Variants in MBP observed in about 807,000 individuals in gnomAD.
MBP encodes the protein myelin basic protein, also known as Golli-MBP.
MBP carries 16 observed loss-of-function variants against 35.8 expected under a neutral mutation model. The observed-to-expected ratio is 0.45, with a 90% CI of 0.30 to 0.68. The LOEUF (loss-of-function observed/expected upper bound fraction) is 0.68. MBP is among the 30% of genes least tolerant of loss of function. MBP has a pLI of 0.08. For synonymous variants in MBP, 143 were observed against 159.6 expected, an observed-to-expected ratio of 0.90 and a Z score of 0.78; for missense variants, 380 against 404.7, an observed-to-expected ratio of 0.94 and a Z score of 0.52.
chr18:77,009,881 G>A (rs778909153), intron 4 of MBP: 8 of 1,594,812 alleles, frequency 5.0e-6, no homozygotes, highest in South Asian at 1.1e-5. Context: ...GGCTGGCTGC[G>A]GGCATGAGAG....
At chr18:77,014,390 T>A in intron 4 of MBP, 1 of 985,426 alleles carries the variant, frequency 1.0e-6, no homozygotes, top group Non-Finnish European at 1.2e-6. Context: ...GGCAGGAATC[T>A]GCCAGGAAAA....
chr18:77,056,225 C>A (rs1470334475), intron 3 of MBP, among the ~76,000 whole-genome samples: 4 of 152,216 alleles, frequency 2.6e-5, no homozygotes, highest in Non-Finnish European at 2.9e-5. Flanking sequence ...CTCACAGGAC[C>A]CATAGGGACC....
chr18:77,016,646 C>A, intron 4 of MBP, 186 bp downstream of exon 4: 1 of 1,419,364 alleles, frequency 7.0e-7, no homozygotes, highest in Non-Finnish European at 9.2e-7. Flanking sequence ...GTGAGTTAAA[C>A]GAAAACGTCC....
intron 4 of MBP, among the ~76,000 whole-genome samples, chr18:76,999,880 T>C (rs1247087655): frequency 1.3e-5 from 2 of 152,226 alleles, no homozygotes; most frequent in Non-Finnish European, 2.9e-5. Context: ...TTGTGTCTTC[T>C]GGGCCATCCC....
intron 4 of MBP, among the ~76,000 whole-genome samples, chr18:76,996,896 G>A (rs1395339648): frequency 6.6e-6 from 1 of 152,114 alleles, no homozygotes; most frequent in East Asian, 1.9e-4. Context: ...CATTTAACAT[G>A]AGCTGTCATT....
intron 1 of MBP, chr18:77,127,212 C>T (rs1392209158): frequency 1.3e-5 from 2 of 152,084 alleles, no homozygotes; most frequent in Non-Finnish European, 2.9e-5. Flanking sequence ...AATAGAGAAC[C>T]CAGAAATAGA....
At chr18:77,022,505 G>A (rs149535878) in intron 3 of MBP, among the ~76,000 whole-genome samples, 2 of 152,012 alleles carry the variant, frequency 1.3e-5, no homozygotes, top group Non-Finnish European at 2.9e-5. Flanking sequence ...AAAAAGCAAC[G>A]TGAAGAATAC....
chr18:77,085,897 T>C (rs1312011494), intron 2 of MBP, among the ~76,000 whole-genome samples: 1 of 151,996 alleles, frequency 6.6e-6, no homozygotes, highest in Non-Finnish European at 1.5e-5. Context: ...TTGGCCAGGA[T>C]GGTCTCGATC....
At chr18:77,046,158 T>C (rs1973248354) in intron 3 of MBP, among the ~76,000 whole-genome samples, 1 of 152,264 alleles carries the variant, frequency 6.6e-6, no homozygotes, top group African/African-American at 2.4e-5. Context: ...GCTGTTAAAA[T>C]GTTGCATAGT....
intron 4 of MBP, among the ~76,000 whole-genome samples, chr18:77,001,707 G>T (rs1421959243): frequency 1.3e-5 from 2 of 152,112 alleles, no homozygotes; most frequent in African/African-American, 4.8e-5. Context: ...AGAATTAGCT[G>T]GGCGTGGTGG....
intron 4 of MBP, chr18:77,009,932 G>T: frequency 6.3e-7 from 1 of 1,575,146 alleles, no homozygotes; most frequent in Non-Finnish European, 8.6e-7. Context: ...GGTACCTGCC[G>T]GGGGACACAG....
At position 76,978,851 on chromosome 18, in the gene MBP, G is replaced by T. The variant is rs1466468586; in HGVS notation, c.*1576C>A. On this transcript the variant is annotated 3_prime_UTR_variant, in exon 9 of 9. Transcript: ENST00000355994. ...ATGCAAATACCATTAAAAGTTTATT[G>T]TTTTATTTCAATATTCAGGAACAGT... is the stretch of plus-strand genomic sequence containing the variant. 1 of 152,070 alleles carries T rather than the reference G, an allele frequency of 6.6e-6. No homozygotes were observed. Among genetic ancestry groups the T allele is most frequent in the Non-Finnish European group, 1.5e-5 (1 of 68,020 alleles). The allele number at this position is 152,070 out of a possible 1,614,324, so 9.4% of individuals were successfully genotyped here.
chr18:77,016,669 C>G, intron 4 of MBP, 163 bp downstream of exon 4: 1 of 1,429,008 alleles, frequency 7.0e-7, no homozygotes, highest in Non-Finnish European at 9.1e-7. Flanking sequence ...AGCAGCCACT[C>G]AGGCCCACAC....
intron 2 of MBP, among the ~76,000 whole-genome samples, chr18:77,070,580 A>G (rs1185706832): frequency 6.6e-6 from 1 of 152,206 alleles, no homozygotes; most frequent in Admixed American, 6.5e-5. Flanking sequence ...ATTATAAACC[A>G]GTGATTAGTC....
Position 76,987,689 on chromosome 18 carries a change from C to G in MBP, c.750+806G>C, listed in dbSNP as rs542700642. The G allele has an allele frequency of 3.0e-5, 30 of 989,812 alleles. No homozygotes were observed. The South Asian group carries it at 1.2e-3, about 40-fold the overall frequency. 61.3% of individuals were successfully genotyped at this position (989,812 alleles called of 1,614,324 possible). On this transcript the variant is annotated intron_variant, in intron 7 of 8. Coordinates refer to ENST00000355994, the MANE Select transcript of MBP (RefSeq NM_001025101.2). ...TTGCAGTTTCGGAGACAGACACAAC[C>G]TATCTACAATACGTTGGTGGTTATT...
intron 3 of MBP, among the ~76,000 whole-genome samples, chr18:77,023,378 C>T (rs1389698602): frequency 6.6e-6 from 1 of 152,170 alleles, no homozygotes; most frequent in South Asian, 2.1e-4. Context: ...AGCACACAAG[C>T]GTCGCCAGGT....
intron 3 of MBP, among the ~76,000 whole-genome samples, chr18:77,057,052 A>G (rs921906049): frequency 2.0e-5 from 3 of 152,140 alleles, no homozygotes; most frequent in African/African-American, 7.2e-5. Flanking sequence ...ATGTCCCCCA[A>G]GAACTGCCTG....
intron 2 of MBP, among the ~76,000 whole-genome samples, chr18:77,076,505 G>A (rs766345483): frequency 6.6e-6 from 1 of 152,186 alleles, no homozygotes; most frequent in African/African-American, 2.4e-5. Flanking sequence ...CGGCACCGTC[G>A]CTGCTGAGTC....
intron 4 of MBP, among the ~76,000 whole-genome samples, chr18:76,997,817 G>A (rs1442391521): frequency 6.6e-6 from 1 of 151,780 alleles, no homozygotes; most frequent in East Asian, 1.9e-4. Flanking sequence ...CGAGTAGCTG[G>A]GACTAGAGGC....
Sources: allele counts gnomAD v4.1 joint callset (sites outside exome capture counted in the v4.1 genomes callset), GRCh38; gene constraint gnomAD v4.1.1; transcripts MANE v1.5; gene names NCBI Gene and HGNC (gene_info 2026-07-23, HGNC 2026-07-21).